ANKFN1: variants seen among roughly 807,000 people sequenced by gnomAD.
The protein encoded by ANKFN1 is ankyrin repeat and fibronectin type III domain containing 1.
ANKFN1 carries 74 observed loss-of-function variants against 108.7 expected under a neutral mutation model. The ratio of observed to expected loss-of-function variants is 0.68; its 90% CI spans 0.56 to 0.83. The LOEUF (loss-of-function observed/expected upper bound fraction) is 0.83. Ranked by LOEUF, ANKFN1 falls within the 40% of genes least tolerant of loss-of-function variation. The pLI, the probability that ANKFN1 is intolerant of heterozygous loss-of-function variation, is 0.00. For missense variants in ANKFN1, 1,505 were observed against 1,382.3 expected (o/e 1.09, Z -1.41); for synonymous variants, 547 against 516.2 (o/e 1.06, Z -0.81).
At chr17:56,220,603 T>C (rs1191315287) in intron 2 of ANKFN1, among the ~76,000 whole-genome samples, 1 of 151,352 alleles carries the variant, frequency 6.6e-6, no homozygotes, top group Non-Finnish European at 1.5e-5. Flanking sequence ...GAGGCTGCAG[T>C]GAGCTATGAT....
intron 4 of ANKFN1, among the ~76,000 whole-genome samples, chr17:56,082,800 G>A (rs1367511578): frequency 6.6e-6 from 1 of 152,156 alleles, no homozygotes; most frequent in Non-Finnish European, 1.5e-5. Flanking sequence ...GATGTTAGAT[G>A]TACCGTTCAG....
At chr17:56,382,912 A>C (rs193297036) in intron 8 of ANKFN1, among the ~76,000 whole-genome samples, 195 of 152,080 alleles carry the variant, frequency 1.3e-3, no homozygotes, top group African/African-American at 4.1e-3. Flanking sequence ...CAACATTAGA[A>C]AGATCAATGA....
rs567605933 is a variant in ANKFN1, at chr17:56,515,749, G to A, written c.*4480G>A. On this transcript the variant is annotated 3_prime_UTR_variant, in exon 21 of 21. Transcript: ENST00000682825. ...TGAAGCACTGATTTTGCCATATTTC[G>A]GGTCTCTGCTTTTTCCACTGCATCT... 1.2e-4 allele frequency among the ~76,000 whole-genome samples: 19 copies of A among 152,198 alleles called. No homozygotes were observed. Among genetic ancestry groups the A allele is most frequent in the South Asian group, 1.2e-3 (6 of 4,824 alleles).
chr17:56,278,327 C>T (rs2043987181), intron 3 of ANKFN1, among the ~76,000 whole-genome samples: 1 of 152,228 alleles, frequency 6.6e-6, no homozygotes. Flanking sequence ...CTCCCCTCCT[C>T]AGCCATCCTC....
chr17:56,183,457 C>T lies in ANKFN1; in HGVS notation c.-70-29141C>T, dbSNP rs117643055. Among the ~76,000 whole-genome samples the T allele has an allele frequency of 7.7e-3, 1,173 of 152,234 alleles. 5 individuals are homozygous for T. The highest frequency in any genetic ancestry group is 0.013 in the South Asian group (62 of 4,822). ...CTTAGTGGGAGGTGATTGGATCATG[C>T]GGGCAGATCCCCCATGAATGGCTTA... On this transcript the variant is annotated intron_variant, in intron 1 of 20. Transcript: ENST00000682825.
intron 4 of ANKFN1, among the ~76,000 whole-genome samples, chr17:56,074,989 G>A (rs976430229): frequency 3.9e-5 from 6 of 152,194 alleles, no homozygotes; most frequent in African/African-American, 1.4e-4. Flanking sequence ...GGTAAAGCAA[G>A]AAGGTGCTGG....
chr17:56,253,393 C>T, intron 3 of ANKFN1, among the ~76,000 whole-genome samples: 1 of 152,086 alleles, frequency 6.6e-6, no homozygotes, highest in East Asian at 1.9e-4. Flanking sequence ...GTTTCCTGAG[C>T]CATTCTGAAG....
At chr17:56,091,261 A>C (rs1228144098) in intron 4 of ANKFN1, among the ~76,000 whole-genome samples, 2 of 151,354 alleles carry the variant, frequency 1.3e-5, no homozygotes, top group Non-Finnish European at 3.0e-5. Flanking sequence ...AAAAACGTTA[A>C]TCAAAACTGT....
intron 16 of ANKFN1, among the ~76,000 whole-genome samples, chr17:56,480,000 A>G (rs765979912): frequency 1.3e-5 from 2 of 152,244 alleles, no homozygotes; most frequent in African/African-American, 4.8e-5. Context: ...TCCCACTGCC[A>G]TTCTTTTCCC....
intron 4 of ANKFN1, among the ~76,000 whole-genome samples, chr17:56,046,502 T>TC (rs1199575532): frequency 1.3e-5 from 2 of 151,948 alleles, no homozygotes; most frequent in Non-Finnish European, 2.9e-5. Flanking sequence ...ACTTGCATTT[T>TC]CTCTGCAGAT....
intron 6 of ANKFN1, among the ~76,000 whole-genome samples, chr17:56,356,054 T>G (rs1056566026): frequency 3.3e-5 from 5 of 152,186 alleles, no homozygotes; most frequent in Admixed American, 1.3e-4. Context: ...ATATATGGTC[T>G]TCTGTGACTG....
At position 56,371,034 on chromosome 17, in the gene ANKFN1, C is replaced by T. The variant is rs117556371; in HGVS notation, c.602-1612C>T. On this transcript the variant is annotated intron_variant, in intron 6 of 20. Transcript: ENST00000682825. ...CACTTATATTATCATTTATTCTGGC[C>T]TCCTTTAGCCTTCCCCAGGGATTCT... 6.6e-5 allele frequency among the ~76,000 whole-genome samples: 10 copies of T among 152,132 alleles called. No homozygotes were observed. In the East Asian group the frequency reaches 1.9e-3, roughly 29 times the overall value.
intron 4 of ANKFN1, among the ~76,000 whole-genome samples, chr17:56,062,253 G>T (rs138326855): frequency 0.011 from 1,748 of 152,242 alleles, 38 homozygotes; most frequent in African/African-American, 0.04. Flanking sequence ...AGGTCCACTT[G>T]ATCCAAAGCT....
At chr17:56,087,674 G>T (rs928232686) in intron 4 of ANKFN1, among the ~76,000 whole-genome samples, 1 of 151,326 alleles carries the variant, frequency 6.6e-6, no homozygotes, top group Admixed American at 6.6e-5. Context: ...TGGACGTTCT[G>T]CTAGTTCTTC....
intron 8 of ANKFN1, among the ~76,000 whole-genome samples, chr17:56,422,105 A>C (rs891365295): frequency 6.6e-6 from 1 of 152,174 alleles, no homozygotes; most frequent in Non-Finnish European, 1.5e-5. Context: ...ATCCAAATGT[A>C]TATATAATTT....
intron 14 of ANKFN1, among the ~76,000 whole-genome samples, chr17:56,465,656 C>T (rs1323233597): frequency 6.6e-6 from 1 of 152,202 alleles, no homozygotes; most frequent in Non-Finnish European, 1.5e-5. Context: ...TGTAAAACTC[C>T]TGTTTATTTT....
At chr17:56,416,939 A>G (rs963159420) in intron 8 of ANKFN1, among the ~76,000 whole-genome samples, 1 of 152,206 alleles carries the variant, frequency 6.6e-6, no homozygotes, top group African/African-American at 2.4e-5. Context: ...ATTAGGTAAC[A>G]TGAAATAAGT....
At chr17:56,122,002 C>G (rs1906655018) in intron 4 of ANKFN1, among the ~76,000 whole-genome samples, 1 of 152,126 alleles carries the variant, frequency 6.6e-6, no homozygotes, top group Admixed American at 6.5e-5. Context: ...TACAGAGGTG[C>G]TTTATAACTG....
intron 6 of ANKFN1, among the ~76,000 whole-genome samples, chr17:56,361,922 A>G (rs2046532703): frequency 6.6e-6 from 1 of 152,148 alleles, no homozygotes; most frequent in Non-Finnish European, 1.5e-5. Context: ...GGTGGAAGCA[A>G]CAGTGACATG....
Sources: gnomAD v4.1 joint callset for allele counts (sites outside exome capture counted in the v4.1 genomes callset) on GRCh38, gnomAD v4.1.1 for gene constraint, MANE v1.5 for transcripts, NCBI Gene and HGNC (gene_info 2026-07-23, HGNC 2026-07-21) for gene names.